Variants in USH2A observed in about 807,000 individuals in gnomAD.
USH2A encodes the protein Usher syndrome 2A (autosomal recessive, mild).
USH2A carries 443 observed loss-of-function variants against 538.9 expected under a neutral mutation model. The ratio of observed to expected loss-of-function variants is 0.82; its 90% CI spans 0.76 to 0.89. The LOEUF (loss-of-function observed/expected upper bound fraction) is 0.89, where lower values mean the gene tolerates loss of function less well. USH2A is among the 40% of genes least tolerant of loss of function. USH2A has a pLI of 0.00. For synonymous variants in USH2A, 2,413 were observed against 2,273.5 expected, an observed-to-expected ratio of 1.06 and a Z score of -1.75; for missense variants, 6,633 against 6,324.8, an observed-to-expected ratio of 1.05 and a Z score of -1.65.
chr1:216,028,214 C>G (rs1278480520), intron 32 of USH2A, among the ~76,000 whole-genome samples: 1 of 151,846 alleles, frequency 6.6e-6, no homozygotes, highest in African/African-American at 2.4e-5. Context: ...ACGGTGAAAC[C>G]CTGTCTCTAC....
chr1:216,265,647 T>G (rs2036457252), intron 11 of USH2A, among the ~76,000 whole-genome samples: 2 of 151,188 alleles, frequency 1.3e-5, no homozygotes, highest in South Asian at 4.1e-4. Context: ...TATATATATA[T>G]ATATCATATA....
intron 47 of USH2A, among the ~76,000 whole-genome samples, chr1:215,835,164 C>CA (rs34758891): frequency 0.17 from 9,312 of 55,446 alleles, 610 homozygotes; most frequent in African/African-American, 0.22. Flanking sequence ...AGTGATGCAC[C>CA]AAAAAAAAAA....
At position 215,694,489 on chromosome 1, in the gene USH2A, C is replaced by T. The variant is rs189293503; in HGVS notation, c.12067-14113G>A. Reference sequence around the variant, plus strand: ...TCGGGAGGCTGAGGCAGGAGAATGGCGTGAACCCGGGAGGCGGAGCTTACG... The same window carrying T: ...TCGGGAGGCTGAGGCAGGAGAATGGTGTGAACCCGGGAGGCGGAGCTTACG... On this transcript the variant is annotated intron_variant, in intron 61 of 71. Coordinates refer to ENST00000307340, the MANE Select transcript of USH2A (RefSeq NM_206933.4). 4.4e-3 allele frequency among the ~76,000 whole-genome samples: 664 copies of T among 152,270 alleles called. 10 individuals are homozygous for T. Among genetic ancestry groups the T allele is most frequent in the African/African-American group, 0.015 (638 of 41,550 alleles).
At chr1:215,961,224 G>C (rs958878122) in intron 37 of USH2A, among the ~76,000 whole-genome samples, 4 of 151,834 alleles carry the variant, frequency 2.6e-5, no homozygotes, top group Non-Finnish European at 5.9e-5. Context: ...TATAATTATT[G>C]AAAGTAGCTC....
chr1:216,384,873 C>A (rs2038979326), intron 3 of USH2A, among the ~76,000 whole-genome samples: 1 of 152,178 alleles, frequency 6.6e-6, no homozygotes, highest in African/African-American at 2.4e-5. Context: ...AGGAACCCAA[C>A]AGACTCAAAG....
intron 33 of USH2A, among the ~76,000 whole-genome samples, chr1:216,000,032 C>A (rs1283433881): frequency 6.6e-6 from 1 of 152,072 alleles, no homozygotes; most frequent in South Asian, 2.1e-4. Context: ...CTGACATCAA[C>A]TGCAGGTAAT....
intron 50 of USH2A, among the ~76,000 whole-genome samples, chr1:215,794,163 C>T (rs1325589177): frequency 2.0e-5 from 3 of 152,190 alleles, no homozygotes; most frequent in Admixed American, 2.0e-4. Flanking sequence ...AACGCCACCC[C>T]AGCACTTCTG....
intron 21 of USH2A, among the ~76,000 whole-genome samples, chr1:216,168,898 C>T (rs1371310299): frequency 6.6e-6 from 1 of 152,066 alleles, no homozygotes; most frequent in Non-Finnish European, 1.5e-5. Flanking sequence ...CCCAACCAAT[C>T]AGCACTCCCA....
intron 38 of USH2A, among the ~76,000 whole-genome samples, chr1:215,925,325 A>G (rs1438846609): frequency 6.6e-6 from 1 of 152,172 alleles, no homozygotes; most frequent in East Asian, 1.9e-4. Context: ...TATTTATTTT[A>G]TTAAGAATTT....
intron 11 of USH2A, among the ~76,000 whole-genome samples, chr1:216,278,598 A>T (rs2036714546): frequency 6.6e-6 from 1 of 152,222 alleles, no homozygotes; most frequent in South Asian, 2.1e-4. Flanking sequence ...AAGCTCTGGG[A>T]AAACTCTCCT....
At chr1:216,027,558 A>G (rs1418759278) in intron 32 of USH2A, among the ~76,000 whole-genome samples, 1 of 152,226 alleles carries the variant, frequency 6.6e-6, no homozygotes, top group Non-Finnish European at 1.5e-5. Context: ...GTCATGCAAC[A>G]GTAGAATCAC....
chr1:216,180,828 C>A (rs184786361), intron 20 of USH2A, among the ~76,000 whole-genome samples: 4 of 152,260 alleles, frequency 2.6e-5, no homozygotes, highest in Admixed American at 2.0e-4. Context: ...AAATGCAAAA[C>A]TATGCCAGGA....
chr1:216,184,892 G>A (rs1485529880), intron 20 of USH2A, among the ~76,000 whole-genome samples: 1 of 151,910 alleles, frequency 6.6e-6, no homozygotes, highest in Non-Finnish European at 1.5e-5. Flanking sequence ...CCAATTACTT[G>A]TTTTATGCGA....
At chr1:215,943,715 G>A (rs897775968) in intron 37 of USH2A, among the ~76,000 whole-genome samples, 2 of 152,110 alleles carry the variant, frequency 1.3e-5, no homozygotes, top group Admixed American at 1.3e-4. Context: ...TTTCCAAGGC[G>A]ACTGAATGGT....
intron 3 of USH2A, among the ~76,000 whole-genome samples, chr1:216,392,340 T>C (rs985775113): frequency 6.6e-6 from 1 of 151,476 alleles, no homozygotes; most frequent in Non-Finnish European, 1.5e-5. Flanking sequence ...CTACTAAAAA[T>C]ACAAAACAAA....
intron 19 of USH2A, 66 bp downstream of exon 19, chr1:216,196,487 C>G: frequency 6.3e-7 from 1 of 1,589,952 alleles, no homozygotes; most frequent in Admixed American, 1.7e-5. Flanking sequence ...ATTCTGCAAA[C>G]TCAAAAAATG....
At position 216,089,018 on chromosome 1, in the gene USH2A, T is replaced by C. The variant is rs755248248; in HGVS notation, c.4880A>G (p.Tyr1627Cys). The change falls in exon 23 of 72, where the codon TAT becomes TGT. Residue 1627 changes from tyrosine (Y) to cysteine (C), a missense_variant. Physicochemically the swap from Tyr to Cys is radical, Grantham distance 194. Coordinates refer to ENST00000307340, the MANE Select transcript of USH2A (RefSeq NM_206933.4). ...AFGQITLDGI[Y>C]TGSSAILNGS... ...ACATATCAAAAAGTACTTACCTGTA[T>C]ATATCCCATCCAGAGTGATTTGGCC... The C allele has an allele frequency of 6.2e-7, 1 of 1,613,444 alleles. No homozygotes were observed. Among genetic ancestry groups the C allele is most frequent in the Non-Finnish European group, 8.5e-7 (1 of 1,179,536 alleles).
chr1:215,839,246 G>T (rs1255277308), intron 46 of USH2A, among the ~76,000 whole-genome samples: 1 of 152,136 alleles, frequency 6.6e-6, no homozygotes, highest in Non-Finnish European at 1.5e-5. Flanking sequence ...TATAATTAAT[G>T]AAAATGAACT....
At chr1:215,894,487 C>T (rs146773906) in intron 40 of USH2A, among the ~76,000 whole-genome samples, 12 of 152,196 alleles carry the variant, frequency 7.9e-5, no homozygotes, top group South Asian at 2.1e-4. Flanking sequence ...TTCTGTTACA[C>T]GGTCTCAGAG....
Sources: gnomAD v4.1 joint callset for allele counts (sites outside exome capture counted in the v4.1 genomes callset) on GRCh38, gnomAD v4.1.1 for gene constraint, MANE v1.5 for transcripts, NCBI Gene and HGNC (gene_info 2026-07-23, HGNC 2026-07-21) for gene names.